Variants in NOL4L observed in about 807,000 individuals in gnomAD.
NOL4L encodes nucleolar protein 4 like, also known as nucleolar protein 4-like.
A neutral mutation model predicts 64.5 loss-of-function variants in NOL4L; 7 were observed. The ratio of observed to expected loss-of-function variants is 0.11; its 90% CI spans 0.06 to 0.20. NOL4L has a LOEUF of 0.20. NOL4L is among the 10% of genes least tolerant of loss of function. The pLI is 1.00. For synonymous variants in NOL4L, 413 were observed against 401.0 expected, an observed-to-expected ratio of 1.03 and a Z score of -0.36; for missense variants, 680 against 967.1, an observed-to-expected ratio of 0.70 and a Z score of 3.94.
At chr20:32,574,928 G>A (rs1979997785) in intron 1 of NOL4L, among the ~76,000 whole-genome samples, 1 of 151,852 alleles carries the variant, frequency 6.6e-6, no homozygotes, top group Non-Finnish European at 1.5e-5. Context: ...TCCCACCCAC[G>A]AATCCCAGGG....
At position 32,464,919 on chromosome 20, in the gene NOL4L, G is replaced by C; in HGVS notation, c.842-8524C>G. The C allele has an allele frequency of 2.1e-6, 1 of 469,960 alleles. No homozygotes were observed. The highest frequency in any genetic ancestry group is 3.9e-6 in the Non-Finnish European group (1 of 255,588). 29.1% of individuals were successfully genotyped at this position (469,960 alleles called of 1,614,324 possible). A position where few individuals can be genotyped will look rare whatever the true frequency, so the allele number is the denominator to read the frequency against. ...GAGCCGCTGAGACGCAGCGTGTATT[G>C]CACACCTGTCTGCACTAGCCTTTTC... On this transcript the variant is annotated intron_variant, in intron 5 of 10. Coordinates refer to ENST00000621426, the MANE Select transcript of NOL4L (RefSeq NM_001256798.2). The surrounding 1 kb of genome is among the most constrained non-coding windows in gnomAD (Gnocchi z 5.6).
chr20:32,530,712 G>A (rs567530172), intron 1 of NOL4L, among the ~76,000 whole-genome samples: 5 of 152,112 alleles, frequency 3.3e-5, no homozygotes, highest in South Asian at 2.1e-4. Flanking sequence ...ACCTGAGGTC[G>A]GGAGTTTGAG....
At chr20:32,524,643 G>A (rs2145577801) in intron 2 of NOL4L, among the ~76,000 whole-genome samples, 1 of 152,288 alleles carries the variant, frequency 6.6e-6, no homozygotes, top group Admixed American at 6.5e-5. Context: ...TCAGCCAGGA[G>A]CTTGATGCGT....
intron 5 of NOL4L, among the ~76,000 whole-genome samples, chr20:32,469,998 C>T (rs1394110511): frequency 6.6e-6 from 1 of 152,236 alleles, no homozygotes; most frequent in Admixed American, 6.5e-5. Flanking sequence ...GTTGGAGGAG[C>T]GGCCTCATCT....
At chr20:32,579,552 G>A (rs979204191) in intron 1 of NOL4L, among the ~76,000 whole-genome samples, 7 of 151,842 alleles carry the variant, frequency 4.6e-5, no homozygotes, top group South Asian at 4.2e-4. Flanking sequence ...CCTCCCAGAC[G>A]TGCAGGGACG....
intron 1 of NOL4L, among the ~76,000 whole-genome samples, chr20:32,539,937 C>T (rs1278374806): frequency 6.6e-6 from 1 of 152,206 alleles, no homozygotes; most frequent in African/African-American, 2.4e-5. Context: ...TCCTGCCCCT[C>T]GGCCGGGGCT....
chr20:32,459,824 G>T (rs1371437973), intron 5 of NOL4L, among the ~76,000 whole-genome samples: 1 of 152,194 alleles, frequency 6.6e-6, no homozygotes, highest in Non-Finnish European at 1.5e-5. Context: ...GTGAGCCACT[G>T]CGCCCAACCC....
rs758494565 is a variant in NOL4L, at chr20:32,447,689, G to A, written c.1950C>T (p.Ala650=). Residue 650 remains alanine (A), a synonymous_variant, in exon 11 of 11, where the codon GCC becomes GCT. Coordinates refer to ENST00000621426, the MANE Select transcript of NOL4L (RefSeq NM_001256798.2). ...TAQLSPTEIS[A]VRQLIAGYRE... ...GGTAGCCCGCGATGAGCTGCCGCAC[G>A]GCGCTGATCTCCGTGGGGCTGAGCT... 6.2e-6 allele frequency: 10 copies of A among 1,612,570 alleles called. No individual in the cohort carries two copies. Among genetic ancestry groups the A allele is most frequent in the Admixed American group, 1.7e-5 (1 of 60,002 alleles).
intron 1 of NOL4L, among the ~76,000 whole-genome samples, chr20:32,530,280 G>T (rs1023237262): frequency 2.0e-5 from 3 of 152,202 alleles, no homozygotes; most frequent in Non-Finnish European, 2.9e-5. Context: ...GGTGGCTCAC[G>T]CCTGTAATCC....
Position 32,447,706 on chromosome 20 carries a change from G to GGCTGA in NOL4L, c.1928_1932dup (p.Pro645SerfsTer49). 1 of 1,612,026 alleles carries GGCTGA rather than the reference G, an allele frequency of 6.2e-7. No homozygotes were observed. Among genetic ancestry groups the GGCTGA allele is most frequent in the Non-Finnish European group, 8.5e-7 (1 of 1,179,556 alleles). Reference sequence around the variant, plus strand: ...TGCCGCACGGCGCTGATCTCCGTGGGGCTGAGCTGAGCGGTGGGCACGGGC... The same window carrying GGCTGA: ...TGCCGCACGGCGCTGATCTCCGTGGGGCTGAGCTGAGCTGAGCGGTGGGCACGGGC... On this transcript the variant is annotated frameshift_variant, in exon 11 of 11. Transcript: ENST00000621426. LOFTEE classifies it high-confidence loss of function.
At chr20:32,509,517 C>CAAAAAAAAA (rs71338441) in intron 4 of NOL4L, among the ~76,000 whole-genome samples, 45 of 62,602 alleles carry the variant, frequency 7.2e-4, no homozygotes, top group Non-Finnish European at 1.2e-3. Context: ...GACTCTGCCT[C>CAAAAAAAAA]AAAAAAAAAA....
At chr20:32,544,306 G>A (rs774396956) in intron 1 of NOL4L, among the ~76,000 whole-genome samples, 1 of 151,828 alleles carries the variant, frequency 6.6e-6, no homozygotes, top group Non-Finnish European at 1.5e-5. Flanking sequence ...GGCAGGGGGC[G>A]GGTGGAGAAA....
chr20:32,584,220 C>G (rs1980737292), intron 1 of NOL4L, among the ~76,000 whole-genome samples: 1 of 150,716 alleles, frequency 6.6e-6, no homozygotes, highest in Non-Finnish European at 1.5e-5. Context: ...GACAGGCAGC[C>G]CCGGGGCGGG....
At chr20:32,559,642 G>T (rs1206733241) in intron 1 of NOL4L, among the ~76,000 whole-genome samples, 1 of 152,236 alleles carries the variant, frequency 6.6e-6, no homozygotes, top group Non-Finnish European at 1.5e-5. Flanking sequence ...GCGGAGCAGG[G>T]ATTGGAACCC....
chr20:32,576,676 C>A (rs959484190), intron 1 of NOL4L, among the ~76,000 whole-genome samples: 22 of 152,148 alleles, frequency 1.4e-4, no homozygotes, highest in African/African-American at 4.8e-4. Flanking sequence ...AGGATGGGCC[C>A]AGCCTCCCAC....
chr20:32,512,331 A>C lies in NOL4L; in HGVS notation c.590-875T>G, dbSNP rs188553869. ...AGTCAGTTATCTTCCAGGTGAACAC[A>C]TGCCACTCTCACCTCACCCAATCCC... On this transcript the variant is annotated intron_variant, in intron 3 of 10. Coordinates refer to ENST00000621426, the MANE Select transcript of NOL4L (RefSeq NM_001256798.2). Among the ~76,000 whole-genome samples, 208 of 152,288 alleles carry C rather than the reference A, an allele frequency of 1.4e-3. 1 individual carries two copies. The highest frequency in any genetic ancestry group is 4.6e-3 in the African/African-American group (191 of 41,552).
chr20:32,503,060 G>A (rs1048569750), intron 4 of NOL4L, among the ~76,000 whole-genome samples: 1 of 152,260 alleles, frequency 6.6e-6, no homozygotes, highest in Non-Finnish European at 1.5e-5. Flanking sequence ...GAAGCTCACA[G>A]CGGCTTCTCC....
At chr20:32,580,778 G>A (rs923991263) in intron 1 of NOL4L, among the ~76,000 whole-genome samples, 3 of 152,166 alleles carry the variant, frequency 2.0e-5, no homozygotes, top group Admixed American at 6.5e-5. Flanking sequence ...GGTACAGTTG[G>A]GCTGAGAACC....
At chr20:32,474,218 C>T (rs767235671) in intron 5 of NOL4L, among the ~76,000 whole-genome samples, 6 of 152,258 alleles carry the variant, frequency 3.9e-5, no homozygotes, top group Non-Finnish European at 8.8e-5. Flanking sequence ...TGCAGAAACA[C>T]AGCTTGTTTC....
Sources: allele counts gnomAD v4.1 joint callset (sites outside exome capture counted in the v4.1 genomes callset), GRCh38; gene constraint gnomAD v4.1.1; non-coding constraint Gnocchi (gnomAD v3.1); transcripts MANE v1.5; gene names NCBI Gene and HGNC (gene_info 2026-07-23, HGNC 2026-07-21).